The following CPE variants were observed in gnomAD, a reference collection of about 807,000 sequenced individuals.
CPE encodes carboxypeptidase E, also known as carbocypeptidase E.
Under a neutral mutation model 53.5 loss-of-function variants are expected in CPE, and 17 were observed. That is an observed-to-expected ratio of 0.32 (90% confidence interval 0.22 to 0.48). The LOEUF (loss-of-function observed/expected upper bound fraction) is 0.48. CPE is among the 20% of genes least tolerant of loss of function. The probability of loss-of-function intolerance (pLI) is 0.99; values close to 1 mark genes in which losing one functional copy is unlikely to be tolerated. For synonymous variants in CPE, 226 were observed against 228.8 expected (o/e 0.99, Z 0.11); for missense variants, 524 against 614.7 (o/e 0.85, Z 1.56).
rs369124397 is a variant in CPE, at chr4:165,493,297, C to T, written c.1213+27C>T. The T allele has an allele frequency of 3.4e-6, 5 of 1,465,956 alleles. No homozygotes were observed. The East Asian group carries it at 6.8e-5, about 20-fold the overall frequency. The allele number at this position is 1,465,956 out of a possible 1,614,324, so 90.8% of individuals were successfully genotyped here. ...TGGGTCTTTGCCACAATTGGAGGCT[C>T]TACGTTATGTACAAGAGCATAATTA... On this transcript the variant is annotated intron_variant, in intron 7 of 8. Transcript: ENST00000402744.
At chr4:165,401,892 T>A (rs1730874431) in intron 1 of CPE, among the ~76,000 whole-genome samples, 1 of 152,098 alleles carries the variant, frequency 6.6e-6, no homozygotes, top group Non-Finnish European at 1.5e-5. Flanking sequence ...TTAAGCCAGA[T>A]GTGTTTAAAG....
chr4:165,471,057 G>A (rs62352312), intron 3 of CPE, among the ~76,000 whole-genome samples: 5,177 of 152,222 alleles, frequency 0.034, 141 homozygotes, highest in Non-Finnish European at 0.048. Flanking sequence ...AAGAGGAGAC[G>A]AATTAGTTTA....
At position 165,379,419 on chromosome 4, in the gene CPE, G is replaced by A. The variant is rs1478979103; in HGVS notation, c.198G>A (p.Val66=). ...YPELREALVS[V]WLQCTAISRI... is the part of the protein sequence containing the mutation. Reference sequence around the variant, plus strand: ...AGCTGCGCGAGGCGCTCGTGTCCGTGTGGCTGCAGTGCACCGCCATCAGCA... The same window carrying A: ...AGCTGCGCGAGGCGCTCGTGTCCGTATGGCTGCAGTGCACCGCCATCAGCA... Residue 66 remains valine (V), a synonymous_variant, in exon 1 of 9, where the codon GTG becomes GTA. Coordinates refer to ENST00000402744, the MANE Select transcript of CPE (RefSeq NM_001873.4). The surrounding 1 kb of genome is among the most constrained non-coding windows in gnomAD (Gnocchi z 6.0). The A allele has an allele frequency of 1.2e-6, 2 of 1,610,324 alleles. No individual in the cohort carries two copies. The highest frequency in any genetic ancestry group is 3.3e-5 in the Admixed American group (2 of 59,892).
At chr4:165,436,356 T>C (rs1040935231) in intron 1 of CPE, among the ~76,000 whole-genome samples, 5 of 152,196 alleles carry the variant, frequency 3.3e-5, no homozygotes, top group Non-Finnish European at 5.9e-5. Context: ...TATAATCTCA[T>C]GGCTTTAGAT....
At chr4:165,423,464 T>C (rs1393022174) in intron 1 of CPE, among the ~76,000 whole-genome samples, 2 of 151,926 alleles carry the variant, frequency 1.3e-5, no homozygotes, top group Admixed American at 6.5e-5. Context: ...ATGTGATCTA[T>C]AGTCTTTCTT....
At chr4:165,383,564 C>T (rs1410845381) in intron 1 of CPE, among the ~76,000 whole-genome samples, 1 of 152,130 alleles carries the variant, frequency 6.6e-6, no homozygotes, top group Non-Finnish European at 1.5e-5. Flanking sequence ...ATCTCAAAAA[C>T]ATTCTTTAGA....
At chr4:165,483,894 A>C (rs1344640792) in intron 4 of CPE, among the ~76,000 whole-genome samples, 1 of 152,202 alleles carries the variant, frequency 6.6e-6, no homozygotes, top group Non-Finnish European at 1.5e-5. Flanking sequence ...ATAAATTTGA[A>C]GACTTTGTGG....
intron 1 of CPE, chr4:165,386,330 T>TTA (rs773042037): frequency 3.5e-5 from 17 of 478,932 alleles, no homozygotes; most frequent in South Asian, 2.6e-4. Context: ...TGTATTTTGT[T>TTA]TATATATATT....
chr4:165,434,419 T>C (rs939049314), intron 1 of CPE, among the ~76,000 whole-genome samples: 1 of 152,224 alleles, frequency 6.6e-6, no homozygotes, highest in Non-Finnish European at 1.5e-5. Flanking sequence ...CTATCAGCTA[T>C]AGAGAGCACA....
chr4:165,444,608 T>A (rs911083992), intron 1 of CPE, among the ~76,000 whole-genome samples: 17 of 152,212 alleles, frequency 1.1e-4, no homozygotes, highest in African/African-American at 3.6e-4. Flanking sequence ...TGTACAGCTA[T>A]TGCTGCCCCA....
chr4:165,423,556 T>C (rs56189732), intron 1 of CPE, among the ~76,000 whole-genome samples: 44,797 of 151,790 alleles, frequency 0.3, 6,673 homozygotes, highest in Middle Eastern at 0.39. Flanking sequence ...AATTAGCTAT[T>C]GTATTTCATG....
chr4:165,484,546 T>C lies in CPE; in HGVS notation c.915T>C (p.Asp305=). The change falls in exon 5 of 9, where the codon GAT becomes GAC. Residue 305 remains aspartate (D), a synonymous_variant. Coordinates refer to ENST00000402744, the MANE Select transcript of CPE (RefSeq NM_001873.4). ...PNRPPCRKND[D]DSSFVDGTTN... The stretch of plus-strand genomic sequence containing the variant: ...GGCCACCATGTCGCAAGAATGATGA[T>C]GACAGCAGCTTTGTAGATGGAACCA... 1 of 1,614,162 alleles carries C rather than the reference T, an allele frequency of 6.2e-7. No homozygotes were observed. Among genetic ancestry groups the C allele is most frequent in the Non-Finnish European group, 8.5e-7 (1 of 1,179,992 alleles).
At chr4:165,466,143 G>GTGTA (rs1732099543) in intron 2 of CPE, among the ~76,000 whole-genome samples, 1 of 152,140 alleles carries the variant, frequency 6.6e-6, no homozygotes, top group Non-Finnish European at 1.5e-5. Flanking sequence ...AACCTGCATG[G>GTGTA]TGTAGCCTAC....
intron 1 of CPE, chr4:165,381,270 CCTT>C (rs1483850598): frequency 2.2e-6 from 1 of 456,028 alleles, no homozygotes; most frequent in Non-Finnish European, 4.4e-6. Context: ...GTTTGCAAAT[CCTT>C]CTTTTAGATT....
intron 3 of CPE, among the ~76,000 whole-genome samples, chr4:165,474,820 ACTCT>A (rs1473432200): frequency 2.0e-5 from 3 of 152,046 alleles, no homozygotes; most frequent in African/African-American, 7.2e-5. Flanking sequence ...CATTATGGTG[ACTCT>A]CACTCAGAGC....
intron 1 of CPE, among the ~76,000 whole-genome samples, chr4:165,392,156 G>A (rs985382312): frequency 1.5e-4 from 22 of 148,648 alleles, no homozygotes; most frequent in African/African-American, 5.2e-4. Flanking sequence ...AAACTATTTG[G>A]GATGGAGCAT....
rs1393125965 is a variant in CPE at position 165,379,925 on chromosome 4, G to C, written c.307+397G>C. The stretch of plus-strand genomic sequence containing the variant: ...GTGAAAAACCCAAAGGAATGATTGC[G>C]AGTCCCCCGCAAGGGGGGTTGGTCT... On this transcript the variant is annotated intron_variant, in intron 1 of 8. Transcript: ENST00000402744. This position sits in a 1 kb window ranked among gnomAD's most constrained non-coding sequence, Gnocchi z 6.0. Among the ~76,000 whole-genome samples, 1 of 152,260 alleles carries C rather than the reference G, an allele frequency of 6.6e-6. No homozygotes were observed. The highest frequency in any genetic ancestry group is 1.9e-4 in the East Asian group (1 of 5,198).
At chr4:165,410,527 G>C (rs577367541) in intron 1 of CPE, among the ~76,000 whole-genome samples, 1 of 152,132 alleles carries the variant, frequency 6.6e-6, no homozygotes, top group African/African-American at 2.4e-5. Context: ...ATCCCAGAAG[G>C]TGCTGAAGTA....
At chr4:165,386,399 T>C in intron 1 of CPE, 1 of 403,556 alleles carries the variant, frequency 2.5e-6, no homozygotes, top group Non-Finnish European at 4.8e-6. Flanking sequence ...AGTGAATATG[T>C]TTGAATAAAT....
Sources: gnomAD v4.1 joint callset for allele counts (sites outside exome capture counted in the v4.1 genomes callset) on GRCh38, gnomAD v4.1.1 for gene constraint, Gnocchi (gnomAD v3.1) non-coding constraint, MANE v1.5 for transcripts, NCBI Gene and HGNC (gene_info 2026-07-23, HGNC 2026-07-21) for gene names.